OPCML: variants seen among roughly 807,000 people sequenced by gnomAD.
OPCML encodes the protein opioid-binding protein/cell adhesion molecule.
In OPCML, 13 loss-of-function variants were observed where a neutral mutation model predicts 37.8. The ratio of observed to expected loss-of-function variants is 0.34; its 90% CI spans 0.22 to 0.55. The LOEUF is 0.55. OPCML is among the 20% of genes least tolerant of loss of function. The probability of loss-of-function intolerance (pLI) is 0.91; values close to 1 mark genes in which losing one functional copy is unlikely to be tolerated. For missense variants in OPCML, 341 were observed against 435.6 expected (o/e 0.78, Z 1.93); for synonymous variants, 176 against 168.8 (o/e 1.04, Z -0.33).
At chr11:132,526,032 G>A (rs2096307464) in intron 4 of OPCML, 1 of 152,200 alleles carries the variant, frequency 6.6e-6, no homozygotes, top group African/African-American at 2.4e-5. Flanking sequence ...AAAGAAGAGA[G>A]GGATCATTTA....
chr11:133,074,896 C>G (rs112498103), intron 1 of OPCML, among the ~76,000 whole-genome samples: 2 of 152,264 alleles, frequency 1.3e-5, no homozygotes, highest in African/African-American at 4.8e-5. Flanking sequence ...TAATGAGAAG[C>G]AAAGTTAAAT....
intron 3 of OPCML, among the ~76,000 whole-genome samples, chr11:132,572,540 T>C (rs373952178): frequency 6.6e-6 from 1 of 152,258 alleles, no homozygotes; most frequent in South Asian, 2.1e-4. Context: ...CTTGGCACCC[T>C]TGTTGAAGAT....
At chr11:132,970,042 G>A (rs528349174) in intron 1 of OPCML, among the ~76,000 whole-genome samples, 149 of 151,924 alleles carry the variant, frequency 9.8e-4, no homozygotes, top group South Asian at 3.1e-3. Context: ...CAGCAACTCC[G>A]GACACTGACC....
chr11:132,523,664 G>A (rs1312217840), intron 4 of OPCML, among the ~76,000 whole-genome samples: 1 of 152,110 alleles, frequency 6.6e-6, no homozygotes, highest in African/African-American at 2.4e-5. Context: ...GTATTAAAGG[G>A]TCATATTCCT....
intron 4 of OPCML, among the ~76,000 whole-genome samples, chr11:132,459,058 C>G (rs1357346797): frequency 6.6e-6 from 1 of 152,202 alleles, no homozygotes; most frequent in Non-Finnish European, 1.5e-5. Context: ...TTGGGCCATC[C>G]TTCCCAATGT....
intron 2 of OPCML, among the ~76,000 whole-genome samples, chr11:132,819,293 A>G (rs4128349): frequency 0.46 from 69,022 of 151,224 alleles, 16,049 homozygotes; most frequent in East Asian, 0.6. Flanking sequence ...AGCAGACCAT[A>G]ATATGATACC....
intron 1 of OPCML, among the ~76,000 whole-genome samples, chr11:133,245,479 G>A (rs1480509642): frequency 2.0e-5 from 3 of 152,174 alleles, no homozygotes; most frequent in Non-Finnish European, 2.9e-5. Context: ...TTTTGCCGTT[G>A]TTGTAGAATG....
At chr11:132,554,259 TTTTAA>T (rs1215053095) in intron 3 of OPCML, among the ~76,000 whole-genome samples, 13 of 152,208 alleles carry the variant, frequency 8.5e-5, no homozygotes, top group African/African-American at 3.1e-4. Context: ...GTTTATCTGG[TTTTAA>T]TTTGAGTGCA....
chr11:133,026,181 C>T (rs10791270), intron 1 of OPCML: 449,974 of 764,128 alleles, frequency 0.59, 134,372 homozygotes, highest in East Asian at 0.81. Flanking sequence ...GCCTTAATCA[C>T]GATGAAGCTT....
At chr11:133,378,086 T>G (rs1369748858) in intron 1 of OPCML, among the ~76,000 whole-genome samples, 1 of 152,242 alleles carries the variant, frequency 6.6e-6, no homozygotes, top group Admixed American at 6.5e-5. Flanking sequence ...CCAATTTTTC[T>G]TTTTATGCGT....
chr11:133,167,431 G>C (rs972960717), intron 1 of OPCML, among the ~76,000 whole-genome samples: 3 of 151,912 alleles, frequency 2.0e-5, no homozygotes, highest in Non-Finnish European at 4.4e-5. Flanking sequence ...TCTAGAATCT[G>C]GTTGCCTTCT....
intron 1 of OPCML, among the ~76,000 whole-genome samples, chr11:133,286,064 G>T (rs1348105122): frequency 1.3e-5 from 2 of 152,118 alleles, no homozygotes; most frequent in African/African-American, 4.8e-5. Context: ...AAGTCAGGGT[G>T]TTCAAGGGCA....
chr11:133,139,403 G>A (rs1036730378), intron 1 of OPCML, among the ~76,000 whole-genome samples: 5 of 152,124 alleles, frequency 3.3e-5, no homozygotes, highest in African/African-American at 7.2e-5. Context: ...CCACTTTACA[G>A]GTGAAAAAAC....
intron 2 of OPCML, among the ~76,000 whole-genome samples, chr11:132,714,908 G>T (rs1944411613): frequency 6.6e-6 from 1 of 152,166 alleles, no homozygotes; most frequent in African/African-American, 2.4e-5. Context: ...GGCTTGGAGA[G>T]GAAATGGAGC....
At chr11:132,950,557 G>T (rs1197174834) in intron 1 of OPCML, among the ~76,000 whole-genome samples, 1 of 152,154 alleles carries the variant, frequency 6.6e-6, no homozygotes, top group Non-Finnish European at 1.5e-5. Flanking sequence ...GGACGACAGT[G>T]GGAGAAAGAT....
intron 2 of OPCML, among the ~76,000 whole-genome samples, chr11:132,676,910 A>G (rs1029131552): frequency 3.3e-5 from 5 of 151,972 alleles, no homozygotes; most frequent in African/African-American, 1.2e-4. Context: ...GCATTAAGAC[A>G]AGAAAAAAAG....
intron 1 of OPCML, among the ~76,000 whole-genome samples, chr11:133,345,917 C>A (rs79655277): frequency 0.11 from 17,209 of 152,158 alleles, 1,552 homozygotes; most frequent in African/African-American, 0.25. Flanking sequence ...CTCTAGATTT[C>A]GTCTAATCAA....
chr11:132,619,344 CT>C (rs1201801088), intron 3 of OPCML, among the ~76,000 whole-genome samples: 4 of 152,100 alleles, frequency 2.6e-5, no homozygotes, highest in Non-Finnish European at 5.9e-5. Context: ...CCTATTGGAC[CT>C]CAGATTTCAC....
chr11:133,088,132 A>C (rs1045918634), intron 1 of OPCML, among the ~76,000 whole-genome samples: 2 of 152,206 alleles, frequency 1.3e-5, no homozygotes, highest in African/African-American at 4.8e-5. Flanking sequence ...TTGACTTTGC[A>C]TTATTAACAA....
Sources: allele counts gnomAD v4.1 joint callset (sites outside exome capture counted in the v4.1 genomes callset), GRCh38; gene constraint gnomAD v4.1.1; transcripts MANE v1.5; gene names NCBI Gene and HGNC (gene_info 2026-07-23, HGNC 2026-07-21).